Variants in MINDY2 observed in about 807,000 individuals in gnomAD.
MINDY2 encodes MINDY lysine 48 deubiquitinase 2.
A neutral mutation model predicts 68.2 loss-of-function variants in MINDY2; 52 were observed. The ratio of observed to expected loss-of-function variants is 0.76; its 90% CI spans 0.61 to 0.96. MINDY2 has a LOEUF of 0.96. Among genes scored for constraint, MINDY2 ranks in the 40% least tolerant of loss-of-function variants. MINDY2 has a pLI of 0.00. For missense variants in MINDY2, 881 were observed against 773.4 expected (o/e 1.14, Z -1.65); for synonymous variants, 372 against 303.0 (o/e 1.23, Z -2.36).
intron 2 of MINDY2, among the ~76,000 whole-genome samples, chr15:58,792,538 G>A (rs545078562): frequency 7.2e-5 from 11 of 152,198 alleles, no homozygotes; most frequent in Admixed American, 3.3e-4. Context: ...CCCGGGAGGC[G>A]GACGTTGCAG....
At chr15:58,832,300 C>A (rs1020332935) in intron 6 of MINDY2, among the ~76,000 whole-genome samples, 2 of 149,422 alleles carry the variant, frequency 1.3e-5, no homozygotes, top group South Asian at 4.2e-4. Context: ...GATCTCGGCT[C>A]ACTGCAACCT....
rs753067745 is a variant in MINDY2 at position 58,856,066 on chromosome 15, A to G, written c.*1456A>G. 4 of 152,652 alleles carry G rather than the reference A, an allele frequency of 2.6e-5. No homozygotes were observed. The highest frequency in any genetic ancestry group is 5.9e-5 in the Non-Finnish European group (4 of 68,040). 9.5% of individuals were successfully genotyped at this position (152,652 alleles called of 1,614,324 possible). On this transcript the variant is annotated 3_prime_UTR_variant, in exon 9 of 9. Coordinates refer to ENST00000559228, the MANE Select transcript of MINDY2 (RefSeq NM_001040450.3). ...ATTTAACTTTATTATGAGGCCACAC[A>G]TATTTTCCTGTGTTTCTATATATAG...
At chr15:58,818,293 C>G (rs2030833370) in intron 4 of MINDY2, among the ~76,000 whole-genome samples, 1 of 152,166 alleles carries the variant, frequency 6.6e-6, no homozygotes, top group Non-Finnish European at 1.5e-5. Flanking sequence ...AGATCTTACT[C>G]TGACACCCAG....
chr15:58,814,615 A>ACCCTCCT (rs1555431645), intron 4 of MINDY2, among the ~76,000 whole-genome samples: 1 of 150,524 alleles, frequency 6.6e-6, no homozygotes, highest in Non-Finnish European at 1.5e-5. Context: ...CTGGGCTCAA[A>ACCCTCCT]CCCTCCTCAG....
At chr15:58,846,563 A>T (rs1448141999) in intron 6 of MINDY2, among the ~76,000 whole-genome samples, 4 of 146,940 alleles carry the variant, frequency 2.7e-5, no homozygotes, top group Non-Finnish European at 6.0e-5. Flanking sequence ...ACTGCACTCC[A>T]GCCTGAGCCT....
chr15:58,802,326 T>C lies in MINDY2; in HGVS notation c.912T>C (p.Leu304=), dbSNP rs200865085. 70 of 1,586,574 alleles carry C rather than the reference T, an allele frequency of 4.4e-5. 1 individual carries two copies. The African/African-American group carries it at 6.5e-4, about 15-fold the overall frequency. Reference sequence around the variant, plus strand: ...TTTTTTTTACAGGAGATTACATGCTTGATGCAAAGCCAAAAGAAATTTCAG... The same window carrying C: ...TTTTTTTTACAGGAGATTACATGCTCGATGCAAAGCCAAAAGAAATTTCAG... ...QLMEYLGDYM[L]DAKPKEISEI... The change falls in exon 3 of 9, where the codon CTT becomes CTC. Residue 304 remains leucine (L), a synonymous_variant. Coordinates refer to ENST00000559228, the MANE Select transcript of MINDY2 (RefSeq NM_001040450.3).
chr15:58,808,839 C>G (rs995925223), intron 3 of MINDY2, among the ~76,000 whole-genome samples: 1 of 152,096 alleles, frequency 6.6e-6, no homozygotes, highest in Non-Finnish European at 1.5e-5. Flanking sequence ...CTCCTGACCT[C>G]GTGATCCACC....
intron 1 of MINDY2, among the ~76,000 whole-genome samples, chr15:58,779,471 C>G (rs975884426): frequency 1.3e-5 from 2 of 152,162 alleles, no homozygotes; most frequent in Non-Finnish European, 2.9e-5. Context: ...CTCTGACTTG[C>G]AGAAACATTG....
intron 5 of MINDY2, among the ~76,000 whole-genome samples, chr15:58,827,433 T>TA (rs1174000871): frequency 1.8e-4 from 27 of 152,026 alleles, no homozygotes; most frequent in East Asian, 9.7e-4. Context: ...CTTTCCCCAT[T>TA]AAAAAAAATT....
chr15:58,811,932 CACTT>C (rs1411459656), intron 4 of MINDY2, among the ~76,000 whole-genome samples: 1 of 152,124 alleles, frequency 6.6e-6, no homozygotes, highest in African/African-American at 2.4e-5. Context: ...ATATTATTTT[CACTT>C]ACTTACATTT....
At chr15:58,778,582 A>C (rs1463284972) in intron 1 of MINDY2, among the ~76,000 whole-genome samples, 3 of 151,492 alleles carry the variant, frequency 2.0e-5, no homozygotes, top group Non-Finnish European at 4.4e-5. Flanking sequence ...ACACACTAAA[A>C]ACTAAGGGAA....
intron 6 of MINDY2, among the ~76,000 whole-genome samples, chr15:58,842,132 G>C (rs779237308): frequency 6.6e-6 from 1 of 151,912 alleles, no homozygotes; most frequent in African/African-American, 2.4e-5. Flanking sequence ...ATGACTTCTT[G>C]ATTGTCCTTT....
At position 58,812,270 on chromosome 15, in the gene MINDY2, T is replaced by C. The variant is rs185509894; in HGVS notation, c.1122+1882T>C. ...GGCCAAGATGGTGAAACCCTGTGTC[T>C]ACTAAAAAATACAAAAATTAGTCGG... is the stretch of plus-strand genomic sequence containing the variant. On this transcript the variant is annotated intron_variant, in intron 4 of 8. Transcript: ENST00000559228. 1.6e-3 allele frequency among the ~76,000 whole-genome samples: 239 copies of C among 152,034 alleles called. 1 individual carries two copies. The highest frequency in any genetic ancestry group is 5.5e-3 in the African/African-American group (227 of 41,480).
chr15:58,820,037 A>C (rs142611089), intron 4 of MINDY2, among the ~76,000 whole-genome samples: 2,964 of 152,276 alleles, frequency 0.019, 43 homozygotes, highest in Non-Finnish European at 0.029. Context: ...AGACTGAGGC[A>C]GGCAGAGTAC....
At chr15:58,812,612 A>G (rs12593426) in intron 4 of MINDY2, among the ~76,000 whole-genome samples, 6 of 151,600 alleles carry the variant, frequency 4.0e-5, no homozygotes, top group African/African-American at 1.5e-4. Flanking sequence ...GTAATCCTAG[A>G]ACTTTGGGAG....
Position 58,851,894 on chromosome 15 carries a change from C to T in MINDY2, c.1666C>T (p.Arg556Trp), listed in dbSNP as rs752487811. ...AKKLQEEEDRRASQYYQEQEQ... is the reference protein window; with the variant it reads ...AKKLQEEEDRWASQYYQEQEQ... Reference sequence around the variant, plus strand: ...GAAACTCCAAGAGGAAGAGGACAGACGGGCTTCTCAATACTATCAGGAACA... The same window carrying T: ...GAAACTCCAAGAGGAAGAGGACAGATGGGCTTCTCAATACTATCAGGAACA... The change falls in exon 8 of 9, where the codon CGG becomes TGG. Residue 556 changes from arginine (R) to tryptophan (W), a missense_variant. Transcript: ENST00000559228. 3.7e-6 allele frequency: 6 copies of T among 1,612,808 alleles called. No individual in the cohort carries two copies. Among genetic ancestry groups the T allele is most frequent in the East Asian group, 4.5e-5 (2 of 44,834 alleles).
rs1423757904 is a variant in MINDY2 at position 58,859,994 on chromosome 15, A to G, written c.*5384A>G. The G allele has an allele frequency of 6.6e-6, 1 of 152,138 alleles. No individual in the cohort carries two copies. The highest frequency in any genetic ancestry group is 1.5e-5 in the Non-Finnish European group (1 of 68,034). The allele number at this position is 152,138 out of a possible 1,614,324, so 9.4% of individuals were successfully genotyped here. On this transcript the variant is annotated 3_prime_UTR_variant, in exon 9 of 9. Coordinates refer to ENST00000559228, the MANE Select transcript of MINDY2 (RefSeq NM_001040450.3). ...TAGGGCATCGTACTATCCCAGAGAA[A>G]GTGTTGAGATACCATGGCAGAAATA...
intron 8 of MINDY2, among the ~76,000 whole-genome samples, chr15:58,854,147 G>C (rs536153123): frequency 1.0e-3 from 159 of 151,924 alleles, no homozygotes; most frequent in African/African-American, 3.6e-3. Context: ...GGGAGGCTGA[G>C]GCAGCAGAAT....
chr15:58,784,221 G>A (rs1369333360), intron 1 of MINDY2, among the ~76,000 whole-genome samples: 1 of 151,984 alleles, frequency 6.6e-6, no homozygotes, highest in Non-Finnish European at 1.5e-5. Flanking sequence ...AGCTACTTGG[G>A]AGGCTCAGGT....
Sources: allele counts gnomAD v4.1 joint callset (sites outside exome capture counted in the v4.1 genomes callset), GRCh38; gene constraint gnomAD v4.1.1; transcripts MANE v1.5; gene names NCBI Gene and HGNC (gene_info 2026-07-23, HGNC 2026-07-21).